The following TIPIN variants were observed in gnomAD, a reference collection of about 807,000 sequenced individuals.
TIPIN encodes the protein TIMELESS interacting protein.
In TIPIN, 29 loss-of-function variants were observed where a neutral mutation model predicts 35.6. That is an observed-to-expected ratio of 0.82 (90% confidence interval 0.61 to 1.11). The LOEUF (loss-of-function observed/expected upper bound fraction) is 1.11, where lower values mean the gene tolerates loss of function less well. TIPIN is among the 50% of genes most tolerant of loss of function. The pLI is 0.00. For missense variants in TIPIN, 296 were observed against 345.4 expected (o/e 0.86, Z 1.13); for synonymous variants, 102 against 121.5 (o/e 0.84, Z 1.06).
At chr15:66,357,595 CAAAAAAAAAAAAAAAA>C (rs574898699), upstream of TIPIN, among the ~76,000 whole-genome samples, 4 of 63,442 alleles carry the variant, frequency 6.3e-5, no homozygotes, top group Non-Finnish European at 1.0e-4. Flanking sequence ...GATCTTGTCG[CAAAAAAAAAAAAAAAA>C]AAAAAAAAAA....
At chr15:66,374,442 ACT>A (rs2093288760) in intron 1 of TIPIN, among the ~76,000 whole-genome samples, 1 of 151,720 alleles carries the variant, frequency 6.6e-6, no homozygotes, top group African/African-American at 2.4e-5. Flanking sequence ...ACAGGGTCTC[ACT>A]CTGTCACCCA....
At chr15:66,366,297 T>C (rs1165543899) in intron 1 of TIPIN, among the ~76,000 whole-genome samples, 3 of 151,366 alleles carry the variant, frequency 2.0e-5, no homozygotes, top group African/African-American at 7.3e-5. Flanking sequence ...CTACTAAAAA[T>C]GCAAAAATTA....
rs1364575296 is a variant in TIPIN at position 66,352,131 on chromosome 15, C to T, written c.210G>A (p.Gln70=). Residue 70 remains glutamine, a splice_region_variant and synonymous_variant, in exon 3 of 8, where the codon CAG becomes CAA. Coordinates refer to ENST00000261881, the MANE Select transcript of TIPIN (RefSeq NM_017858.3). ...VKRNIPKLDA[Q]RLISERGLPA... ...GTATAAGAATATAGTAAATGTACCT[C>T]TGAGCATCCAGCTTGGGTATATTTC... 1.9e-6 allele frequency: 3 copies of T among 1,600,010 alleles called. No individual in the cohort carries two copies. Among genetic ancestry groups the T allele is most frequent in the Non-Finnish European group, 1.7e-6 (2 of 1,172,042 alleles).
chr15:66,383,266 ATT>A (rs61646046), intron 1 of TIPIN, among the ~76,000 whole-genome samples: 32 of 144,384 alleles, frequency 2.2e-4, no homozygotes, highest in South Asian at 4.4e-4. Context: ...AAAAGTTTCA[ATT>A]TTTTTTTTTT....
At chr15:66,366,597 CA>C (rs757848258) in intron 1 of TIPIN, among the ~76,000 whole-genome samples, 4,253 of 92,188 alleles carry the variant, frequency 0.046, 174 homozygotes, top group African/African-American at 0.14. Context: ...ACTAAATATA[CA>C]AAAAAAAAAA....
intron 1 of TIPIN, among the ~76,000 whole-genome samples, chr15:66,355,467 C>T: frequency 6.7e-6 from 1 of 150,308 alleles, no homozygotes; most frequent in East Asian, 2.0e-4. Context: ...AGCAAAGCAT[C>T]GGCTGGGCGC....
At chr15:66,355,643 C>G (rs530723256) in intron 1 of TIPIN, among the ~76,000 whole-genome samples, 1 of 151,948 alleles carries the variant, frequency 6.6e-6, no homozygotes, top group Non-Finnish European at 1.5e-5. Context: ...CCCAGCTACT[C>G]GGGAGGCTGA....
At position 66,366,656 on chromosome 15, in the gene TIPIN, C is replaced by T. The variant is rs2093255794; in HGVS notation, c.-8-13701G>A. Among the ~76,000 whole-genome samples, 2 of 148,864 alleles carry T rather than the reference C, an allele frequency of 1.3e-5. 1 individual carries two copies. The highest frequency in any genetic ancestry group is 3.0e-5 in the Non-Finnish European group (2 of 67,328). ...GTGGCTTGCGCCTGTAGTCCCAGCTCCTTGGGAGGCCGGGGCAGGAGAATT... is the reference window on the plus strand; with the variant it reads ...GTGGCTTGCGCCTGTAGTCCCAGCTTCTTGGGAGGCCGGGGCAGGAGAATT... On this transcript the variant is annotated intron_variant, in intron 1 of 7. Transcript: ENST00000562124.
intron 7 of TIPIN, among the ~76,000 whole-genome samples, 186 bp from the exon 8 acceptor site, chr15:66,337,367 T>G (rs2140434374): frequency 6.6e-6 from 1 of 151,170 alleles, no homozygotes; most frequent in Non-Finnish European, 1.5e-5. Context: ...GCTCCATCAC[T>G]TTGGCTGGAG....
At chr15:66,360,096 G>A (rs62011725), upstream of TIPIN, among the ~76,000 whole-genome samples, 11 of 152,038 alleles carry the variant, frequency 7.2e-5, no homozygotes, top group Non-Finnish European at 1.3e-4. Context: ...GGGTTGTAAA[G>A]AGGAGTAAAA....
Position 66,367,833 on chromosome 15 carries a change from G to GTT in TIPIN, c.-8-14880_-8-14879dup, listed in dbSNP as rs201442586. 2.6e-4 allele frequency among the ~76,000 whole-genome samples: 32 copies of GTT among 122,920 alleles called. 1 individual carries two copies. The highest frequency in any genetic ancestry group is 3.8e-4 in the Non-Finnish European group (21 of 55,934). 80.6% of individuals were successfully genotyped at this position (122,920 alleles called of 152,430 possible). On this transcript the variant is annotated intron_variant, in intron 1 of 7. Transcript: ENST00000562124. ...ATGTCCCTGTTATACATAAATCTTT[G>GTT]TTTTTGTTTTTTTTTTTTTGATTCA...
upstream of TIPIN, among the ~76,000 whole-genome samples, chr15:66,357,248 C>T (rs1051198073): frequency 6.6e-6 from 1 of 152,012 alleles, no homozygotes; most frequent in Non-Finnish European, 1.5e-5. Context: ...AAATAGGTCT[C>T]GGTTTTTGGA....
At chr15:66,382,864 AGTCTTATTCTT>A in intron 1 of TIPIN, 1 of 723,498 alleles carries the variant, frequency 1.4e-6, no homozygotes, top group South Asian at 6.3e-5. Flanking sequence ...CATATAGTTC[AGTCTTATTCTT>A]GTCTGTATGG....
intron 2 of TIPIN, 29 bp downstream of exon 2, chr15:66,352,786 G>A (rs753579963): frequency 3.2e-6 from 5 of 1,575,836 alleles, no homozygotes; most frequent in Non-Finnish European, 4.3e-6. Flanking sequence ...TGGCCTCACA[G>A]CCTCCTTTTT....
chr15:66,365,023 C>T (rs2093248332), intron 1 of TIPIN, among the ~76,000 whole-genome samples: 1 of 149,360 alleles, frequency 6.7e-6, no homozygotes, highest in African/African-American at 2.5e-5. Flanking sequence ...GAGAAAAAGG[C>T]ATTTGAACCA....
At chr15:66,362,396 T>C (rs989411612) in intron 1 of TIPIN, among the ~76,000 whole-genome samples, 3 of 151,336 alleles carry the variant, frequency 2.0e-5, no homozygotes, top group Admixed American at 2.0e-4. Flanking sequence ...CCACCACAAA[T>C]CTATATAGGC....
intron 4 of TIPIN, among the ~76,000 whole-genome samples, chr15:66,349,971 GGTTTTTTTC>G (rs2093156222): frequency 6.8e-6 from 1 of 146,782 alleles, no homozygotes; most frequent in African/African-American, 2.5e-5. Flanking sequence ...TGGTTTTTTT[GGTTTTTTTC>G]AGAGAGATTC....
upstream of TIPIN, among the ~76,000 whole-genome samples, chr15:66,359,676 A>G (rs1448993089): frequency 6.6e-6 from 1 of 152,118 alleles, no homozygotes; most frequent in Non-Finnish European, 1.5e-5. Context: ...TGAATGAGAA[A>G]TGTCCATTTC....
At chr15:66,353,000 T>A (rs2093178995) in intron 1 of TIPIN, 45 bp from the exon 2 acceptor site, 2 of 1,568,756 alleles carry the variant, frequency 1.3e-6, no homozygotes, top group Non-Finnish European at 1.7e-6. Context: ...CAAAATAGTC[T>A]CCACTATATA....
Sources: allele counts gnomAD v4.1 joint callset (sites outside exome capture counted in the v4.1 genomes callset), GRCh38; gene constraint gnomAD v4.1.1; transcripts MANE v1.5; gene names NCBI Gene and HGNC (gene_info 2026-07-23, HGNC 2026-07-21).